ZNF646: variants seen among roughly 807,000 people sequenced by gnomAD.
ZNF646 encodes zinc finger protein 646.
In ZNF646, 49 loss-of-function variants were observed where a neutral mutation model predicts 115.4. The ratio of observed to expected loss-of-function variants is 0.42; its 90% CI spans 0.34 to 0.54. The LOEUF is 0.54. Among genes scored for constraint, ZNF646 ranks in the 20% least tolerant of loss-of-function variants. The probability of loss-of-function intolerance (pLI) is 0.04; values close to 1 mark genes in which losing one functional copy is unlikely to be tolerated. For synonymous variants in ZNF646, 933 were observed against 939.0 expected, an observed-to-expected ratio of 0.99 and a Z score of 0.12; for missense variants, 2,269 against 2,457.9, an observed-to-expected ratio of 0.92 and a Z score of 1.62.
Position 31,079,433 on chromosome 16 carries a change from T to C in ZNF646, c.3109T>C (p.Cys1037Arg). The C allele has an allele frequency of 6.2e-7, 1 of 1,613,916 alleles. No individual in the cohort carries two copies. The highest frequency in any genetic ancestry group is 8.5e-7 in the Non-Finnish European group (1 of 1,179,988). The change falls in exon 2 of 3, where the codon TGC (cysteine) becomes CGC (arginine). Residue 1037 changes from cysteine (C) to arginine (R), a missense_variant. By Grantham distance (180) the Cys-to-Arg change is radical. This residue lies in a region of ZNF646 where 1,062 missense variants were observed against 1,172.8 expected (regional missense o/e 0.91). Coordinates refer to ENST00000300850, the MANE Select transcript of ZNF646 (RefSeq NM_014699.4). This position sits in a 1 kb window ranked among gnomAD's most constrained non-coding sequence, Gnocchi z 5.5. ...AGGCACCCCCTTGGGAGACAGCCTC[T>C]GCATCCAGGGTGGGGAAAGTTTGTT... ...GAGTPLGDSL[C>R]IQGGESLLEA...
Position 31,079,624 on chromosome 16 carries a change from C to G in ZNF646, c.3300C>G (p.Asn1100Lys). Residue 1100 changes from asparagine (N) to lysine (K), a missense_variant, in exon 2 of 3, where the codon AAC becomes AAG. Coordinates refer to ENST00000300850, the MANE Select transcript of ZNF646 (RefSeq NM_014699.4). The surrounding 1 kb of genome is among the most constrained non-coding windows in gnomAD (Gnocchi z 5.5). ...NLAAYRNHLRNHPRCKGSEPQ... is the reference protein window; with the variant it reads ...NLAAYRNHLRKHPRCKGSEPQ... ...CTGCCTACCGTAATCATCTGCGGAA[C>G]CACCCTCGCTGCAAAGGCTCTGAGC... The G allele has an allele frequency of 6.2e-7, 1 of 1,613,490 alleles. No homozygotes were observed. The highest frequency in any genetic ancestry group is 8.5e-7 in the Non-Finnish European group (1 of 1,180,040).
Position 31,076,963 on chromosome 16 carries a change from T to C in ZNF646, c.639T>C (p.Tyr213=), listed in dbSNP as rs2057085439. 1.2e-6 allele frequency: 2 copies of C among 1,613,960 alleles called. No homozygotes were observed. The highest frequency in any genetic ancestry group is 1.1e-5 in the South Asian group (1 of 91,080). ...ASSLLSNLEQ[Y]LAESVVNFTG... is the part of the protein sequence containing the mutation. ...GCCTTCTTAGCAACTTGGAACAGTA[T>C]CTGGCTGAATCAGTAGTGAACTTCA... Residue 213 remains tyrosine (Y), a synonymous_variant, in exon 2 of 3, where the codon TAT becomes TAC. Coordinates refer to ENST00000300850, the MANE Select transcript of ZNF646 (RefSeq NM_014699.4).
Position 31,079,115 on chromosome 16 carries a change from C to T in ZNF646, c.2791C>T (p.Pro931Ser). Reference sequence around the variant, plus strand: ...GGCAGAGGCAGCCCCTGCACGCAGTCCACCACTGCAGCTCTCGGAAGCAGA... The same window carrying T: ...GGCAGAGGCAGCCCCTGCACGCAGTTCACCACTGCAGCTCTCGGAAGCAGA... ...GVAEAAPARS[P>S]PLQLSEAELL... is the part of the protein sequence containing the mutation. The change falls in exon 2 of 3, where the codon CCA (proline) becomes TCA (serine). Residue 931 changes from proline to serine, a missense_variant. Physicochemically the swap from Pro to Ser is moderately conservative, Grantham distance 74 (BLOSUM62 -1). This residue lies in a region of ZNF646 where 852 missense variants were observed against 900.2 expected (regional missense o/e 0.95). Transcript: ENST00000300850. The surrounding 1 kb of genome is among the most constrained non-coding windows in gnomAD (Gnocchi z 5.5). 1.3e-6 allele frequency: 2 copies of T among 1,593,530 alleles called. No individual in the cohort carries two copies. The highest frequency in any genetic ancestry group is 2.3e-5 in the South Asian group (2 of 88,752).
Position 31,084,063 on chromosome 16 carries a change from G to A in ZNF646, c.*971G>A. 6.5e-7 allele frequency: 1 copy of A among 1,535,776 alleles called. No homozygotes were observed. Among genetic ancestry groups the A allele is most frequent in the Admixed American group, 2.0e-5 (1 of 49,924 alleles). ...GGGTTAGAACGGCACGTTCTCACTG[G>A]AGAGAGAAGGGTCCTGGAGAGGCAG... On this transcript the variant is annotated 3_prime_UTR_variant, in exon 3 of 3. Coordinates refer to ENST00000300850, the MANE Select transcript of ZNF646 (RefSeq NM_014699.4).
In ZNF646 at chr16:31,081,512, A is replaced by G. The variant is rs1424392345; in HGVS notation, c.5188A>G (p.Lys1730Glu). 6.2e-7 allele frequency: 1 copy of G among 1,614,118 alleles called. No homozygotes were observed. The highest frequency in any genetic ancestry group is 1.7e-5 in the Admixed American group (1 of 60,020). ...CCACAGCAGGACCCACACGGACCCC[A>G]AGCGCCACTGCTGCAGCATCTGTGG... is the stretch of plus-strand genomic sequence containing the variant. ...KNHSRTHTDP[K>E]RHCCSICGKA... The change falls in exon 2 of 3, where the codon AAG (lysine) becomes GAG (glutamate). Residue 1730 changes from lysine (K) to glutamate (E), a missense_variant. Lys to Glu is a moderately conservative substitution (Grantham distance 56). Coordinates refer to ENST00000300850, the MANE Select transcript of ZNF646 (RefSeq NM_014699.4).
upstream of ZNF646, chr16:31,073,599 G>A (rs1035996643): frequency 6.6e-6 from 1 of 152,204 alleles, no homozygotes; most frequent in Non-Finnish European, 1.5e-5. Context: ...AGGCCAGCTC[G>A]GATCGTGGCC....
intron 2 of ZNF646, 62 bp from the exon 3 acceptor site, chr16:31,082,909 G>A (rs1028007462): frequency 9.8e-6 from 15 of 1,529,440 alleles, no homozygotes; most frequent in East Asian, 5.1e-5. Context: ...AGGGCTGGGA[G>A]GGGGTACACG....
chr16:31,078,046 A>C lies in ZNF646; in HGVS notation c.1722A>C (p.Ala574=), dbSNP rs755400381. ...CCCCAGCAGCAGACAAGACAGCAGCACATATCTGTAGCATCTGTGGGCTGC... is the reference window on the plus strand; with the variant it reads ...CCCCAGCAGCAGACAAGACAGCAGCCCATATCTGTAGCATCTGTGGGCTGC... ...DITPAADKTA[A]HICSICGLLF... Residue 574 remains alanine, a synonymous_variant, in exon 2 of 3, where the codon GCA becomes GCC. Coordinates refer to ENST00000300850, the MANE Select transcript of ZNF646 (RefSeq NM_014699.4). The C allele has an allele frequency of 1.9e-6, 3 of 1,614,100 alleles. No individual in the cohort carries two copies. The highest frequency in any genetic ancestry group is 8.5e-7 in the Non-Finnish European group (1 of 1,180,056).
chr16:31,080,812 T>C lies in ZNF646; in HGVS notation c.4488T>C (p.Ser1496=). The part of the protein sequence containing the change: ...SEEPEDSVHR[S]PCHAGDCQLN... The stretch of plus-strand genomic sequence containing the variant: ...AGCCAGAGGACAGTGTCCACAGGAG[T>C]CCTTGCCACGCTGGTGACTGCCAGC... Residue 1496 remains serine, a synonymous_variant, in exon 2 of 3, where the codon AGT becomes AGC. Coordinates refer to ENST00000300850, the MANE Select transcript of ZNF646 (RefSeq NM_014699.4). 1 of 1,613,792 alleles carries C rather than the reference T, an allele frequency of 6.2e-7. No homozygotes were observed. Among genetic ancestry groups the C allele is most frequent in the African/African-American group, 1.3e-5 (1 of 74,910 alleles).
Position 31,080,149 on chromosome 16 carries a change from C to T in ZNF646, c.3825C>T (p.Ser1275=), listed in dbSNP as rs756239918. Residue 1275 remains serine (S), a synonymous_variant, in exon 2 of 3, where the codon AGC becomes AGT. Coordinates refer to ENST00000300850, the MANE Select transcript of ZNF646 (RefSeq NM_014699.4). ...KAFRLRKQLA[S]HQRVHMERRG... ...TCCGCCTGCGGAAACAGCTGGCCAG[C>T]CACCAGCGGGTCCACATGGAACGGC... The T allele has an allele frequency of 1.2e-6, 2 of 1,612,530 alleles. No individual in the cohort carries two copies. Among genetic ancestry groups the T allele is most frequent in the African/African-American group, 2.7e-5 (2 of 74,932 alleles).
In ZNF646 at chr16:31,083,440, A is replaced by G; in HGVS notation, c.*348A>G. On this transcript the variant is annotated 3_prime_UTR_variant, in exon 3 of 3. Coordinates refer to ENST00000300850, the MANE Select transcript of ZNF646 (RefSeq NM_014699.4). ...ATTTGTAACTTATTTTCTAAAGTCT[A>G]TTTTGTAACAATTTATTTAAGTTTA... is the stretch of plus-strand genomic sequence containing the variant. 9 of 1,299,962 alleles carry G rather than the reference A, an allele frequency of 6.9e-6. No individual in the cohort carries two copies. Among genetic ancestry groups the G allele is most frequent in the Non-Finnish European group, 8.9e-6 (9 of 1,010,314 alleles). 80.5% of individuals were successfully genotyped at this position (1,299,962 alleles called of 1,614,324 possible). A position where few individuals can be genotyped will look rare whatever the true frequency, so the allele number is the denominator to read the frequency against.
chr16:31,083,904 G>A lies in ZNF646; in HGVS notation c.*812G>A. On this transcript the variant is annotated 3_prime_UTR_variant, in exon 3 of 3. Transcript: ENST00000300850. The stretch of plus-strand genomic sequence containing the variant: ...CCTCGAAGGAACAGGGTCTGTCTTG[G>A]CCGCCATGACAGATGAGAATACTGA... 6.3e-7 allele frequency: 1 copy of A among 1,594,568 alleles called. No individual in the cohort carries two copies. Among genetic ancestry groups the A allele is most frequent in the Non-Finnish European group, 8.5e-7 (1 of 1,170,288 alleles).
rs2057107540 is a variant in ZNF646, at chr16:31,078,415, G to C, written c.2091G>C (p.Arg697=). 6.2e-7 allele frequency: 1 copy of C among 1,608,418 alleles called. No homozygotes were observed. Among genetic ancestry groups the C allele is most frequent in the African/African-American group, 1.3e-5 (1 of 74,798 alleles). Residue 697 remains arginine (R), a synonymous_variant, in exon 2 of 3, where the codon CGG becomes CGC. Transcript: ENST00000300850. ...AKLLAAESWT[R]ELEDNEGLES... The stretch of plus-strand genomic sequence containing the variant: ...TCCTGGCAGCGGAGAGCTGGACCCG[G>C]GAGCTAGAAGACAATGAAGGCCTGG...
Position 31,080,995 on chromosome 16 carries a change from C to A in ZNF646, c.4671C>A (p.His1557Gln), listed in dbSNP as rs905627411. 1 of 1,614,110 alleles carries A rather than the reference C, an allele frequency of 6.2e-7. No individual in the cohort carries two copies. The highest frequency in any genetic ancestry group is 8.5e-7 in the Non-Finnish European group (1 of 1,180,040). The change falls in exon 2 of 3, where the codon CAC becomes CAA. Residue 1557 changes from histidine to glutamine, a missense_variant. By Grantham distance (24) the His-to-Gln change is conservative (BLOSUM62 0). Coordinates refer to ENST00000300850, the MANE Select transcript of ZNF646 (RefSeq NM_014699.4). Reference protein sequence around the residue: ...LNHNTNKTDRHYCLLCSKEFL... With the variant: ...LNHNTNKTDRQYCLLCSKEFL... ...ACAACACCAACAAGACAGACCGACACTATTGCCTGCTCTGCTCCAAGGAGT... is the reference window on the plus strand; with the variant it reads ...ACAACACCAACAAGACAGACCGACAATATTGCCTGCTCTGCTCCAAGGAGT...
chr16:31,082,142 C>T, intron 2 of ZNF646: 1 of 232,936 alleles, frequency 4.3e-6, no homozygotes. Flanking sequence ...AGGCCGGGTG[C>T]CAGGGAACAA....
Position 31,083,295 on chromosome 16 carries a change from G to C in ZNF646, c.*203G>C. 1.0e-6 allele frequency: 1 copy of C among 971,452 alleles called. No individual in the cohort carries two copies. Among genetic ancestry groups the C allele is most frequent in the Non-Finnish European group, 1.5e-6 (1 of 685,464 alleles). The allele number at this position is 971,452 out of a possible 1,614,324, so 60.2% of individuals were successfully genotyped here. ...GTCCTTGAAGGACCTCCTTCCCCCA[G>C]CCTCATCACCGTGCTCTTCTCAGCG... On this transcript the variant is annotated 3_prime_UTR_variant, in exon 3 of 3. Coordinates refer to ENST00000300850, the MANE Select transcript of ZNF646 (RefSeq NM_014699.4).
chr16:31,082,913 G>A, intron 2 of ZNF646, 58 bp from the exon 3 acceptor site: 1 of 1,540,072 alleles, frequency 6.5e-7, no homozygotes, highest in Non-Finnish European at 8.8e-7. Context: ...CTGGGAGGGG[G>A]TACACGCTGT....
Position 31,084,062 on chromosome 16 carries a change from GGA to G in ZNF646, c.*977_*978del. The G allele has an allele frequency of 1.1e-5, 17 of 1,535,268 alleles. No homozygotes were observed. The highest frequency in any genetic ancestry group is 1.4e-5 in the Non-Finnish European group (16 of 1,138,994). ...TGGGTTAGAACGGCACGTTCTCACT[GGA>G]GAGAGAAGGGTCCTGGAGAGGCAGG... On this transcript the variant is annotated 3_prime_UTR_variant, in exon 3 of 3. Coordinates refer to ENST00000300850, the MANE Select transcript of ZNF646 (RefSeq NM_014699.4).
At position 31,076,472 on chromosome 16, in the gene ZNF646, T is replaced by A; in HGVS notation, c.148T>A (p.Cys50Ser). The A allele has an allele frequency of 6.2e-7, 1 of 1,613,824 alleles. No homozygotes were observed. Among genetic ancestry groups the A allele is most frequent in the Non-Finnish European group, 8.5e-7 (1 of 1,179,978 alleles). ...TGACAGCATCCCTCGGCCCTACCGT[T>A]GTCAGCAGTGTGGGCGGGGCTACCG... ...EADSIPRPYR[C>S]QQCGRGYRHP... Residue 50 changes from cysteine (C) to serine (S), a missense_variant, in exon 2 of 3, where the codon TGT becomes AGT. Physicochemically the swap from Cys to Ser is moderately radical, Grantham distance 112 (BLOSUM62 -1). Coordinates refer to ENST00000300850, the MANE Select transcript of ZNF646 (RefSeq NM_014699.4).
Sources: gnomAD v4.1 joint callset for allele counts on GRCh38, gnomAD v4.1.1 for gene constraint, gnomAD v4.1.1 regional missense constraint, Gnocchi (gnomAD v3.1) non-coding constraint, MANE v1.5 for transcripts, NCBI Gene and HGNC (gene_info 2026-07-23, HGNC 2026-07-21) for gene names.